The following ARMH3 variants were observed in gnomAD, a reference collection of about 807,000 sequenced individuals.
The protein encoded by ARMH3 is armadillo like helical domain containing 3.
Under a neutral mutation model 99.1 loss-of-function variants are expected in ARMH3, and 60 were observed. The ratio of observed to expected loss-of-function variants is 0.61; its 90% CI spans 0.49 to 0.75. ARMH3 has a LOEUF of 0.75. Among genes scored for constraint, ARMH3 ranks in the 30% least tolerant of loss-of-function variants. The pLI, the probability that ARMH3 is intolerant of heterozygous loss-of-function variation, is 0.00. For synonymous variants in ARMH3, 285 were observed against 292.8 expected, an observed-to-expected ratio of 0.97 and a Z score of 0.27; for missense variants, 679 against 843.1, an observed-to-expected ratio of 0.81 and a Z score of 2.41.
intron 23 of ARMH3, among the ~76,000 whole-genome samples, chr10:101,911,853 T>A (rs1842880181): frequency 6.6e-6 from 1 of 151,978 alleles, no homozygotes; most frequent in African/African-American, 2.4e-5. Context: ...CTGGCCAACA[T>A]GGTGAAACCC....
intron 23 of ARMH3, among the ~76,000 whole-genome samples, chr10:101,919,954 G>A (rs188439903): frequency 6.6e-6 from 1 of 152,104 alleles, no homozygotes; most frequent in African/African-American, 2.4e-5. Flanking sequence ...TCTCTGAATT[G>A]CCCTTGTTGG....
At chr10:102,021,758 G>C (rs1165499360) in intron 8 of ARMH3, among the ~76,000 whole-genome samples, 1 of 152,044 alleles carries the variant, frequency 6.6e-6, no homozygotes, top group African/African-American at 2.4e-5. Flanking sequence ...GTGTTAGCCA[G>C]GATGGTCTCG....
chr10:102,040,856 A>T lies in ARMH3; in HGVS notation c.-11-731T>A, dbSNP rs116951563. 5.5e-3 allele frequency among the ~76,000 whole-genome samples: 837 copies of T among 152,184 alleles called. 13 individuals carry two copies. The highest frequency in any genetic ancestry group is 0.013 in the South Asian group (61 of 4,818). ...ACCATTAAGGCAGGAAGTGTGCTGC[A>T]GACTGATGTGCTTCATTGATTTCCC... On this transcript the variant is annotated intron_variant, in intron 1 of 25. Coordinates refer to ENST00000370033, the MANE Select transcript of ARMH3 (RefSeq NM_024541.3).
chr10:102,054,778 C>A (rs2136313715), intron 1 of ARMH3, among the ~76,000 whole-genome samples: 1 of 152,096 alleles, frequency 6.6e-6, no homozygotes, highest in Admixed American at 6.6e-5. Flanking sequence ...GGTGAATCAT[C>A]TGAGGTCAGA....
At chr10:101,857,734 T>TGC (rs1564693845) in intron 24 of ARMH3, among the ~76,000 whole-genome samples, 1 of 152,242 alleles carries the variant, frequency 6.6e-6, no homozygotes, top group Non-Finnish European at 1.5e-5. Context: ...GGGCATTGCC[T>TGC]AATTCTCTTC....
rs547522937 is a variant in ARMH3, at chr10:102,036,314, G to A, written c.103-2975C>T. Reference sequence around the variant, plus strand: ...CAGGAGGTGGGGGGCGCCTCTGCCCGGCCGCCCCTTCTGGGAAGTGAGGAG... The same window carrying A: ...CAGGAGGTGGGGGGCGCCTCTGCCCAGCCGCCCCTTCTGGGAAGTGAGGAG... On this transcript the variant is annotated intron_variant, in intron 2 of 25. Coordinates refer to ENST00000370033, the MANE Select transcript of ARMH3 (RefSeq NM_024541.3). Among the ~76,000 whole-genome samples the A allele has an allele frequency of 2.6e-4, 39 of 150,872 alleles. 1 individual carries two copies. The East Asian group carries it at 4.0e-3, about 15-fold the overall frequency.
chr10:101,961,743 C>G (rs932098925), intron 20 of ARMH3, among the ~76,000 whole-genome samples: 2 of 152,136 alleles, frequency 1.3e-5, no homozygotes, highest in Non-Finnish European at 2.9e-5. Flanking sequence ...TTGATGTCAT[C>G]TGGGCACATG....
intron 2 of ARMH3, 36 bp downstream of exon 2, chr10:102,039,977 G>C (rs1026845164): frequency 1.9e-6 from 3 of 1,557,054 alleles, no homozygotes; most frequent in Admixed American, 1.7e-5. Flanking sequence ...AGAAACTAAA[G>C]ACTCAAGCTG....
intron 24 of ARMH3, among the ~76,000 whole-genome samples, chr10:101,851,244 T>C (rs1204506200): frequency 6.6e-6 from 1 of 152,140 alleles, no homozygotes; most frequent in Non-Finnish European, 1.5e-5. Context: ...GAAGGGACTG[T>C]TCATAGCCAG....
intron 23 of ARMH3, among the ~76,000 whole-genome samples, chr10:101,930,689 T>C (rs1007309931): frequency 2.6e-5 from 4 of 152,208 alleles, no homozygotes; most frequent in Non-Finnish European, 5.9e-5. Context: ...TTGCCCCTGA[T>C]GTCAGCTTGT....
chr10:101,984,075 G>T (rs1169268788), intron 19 of ARMH3, among the ~76,000 whole-genome samples: 2 of 152,108 alleles, frequency 1.3e-5, no homozygotes, highest in Admixed American at 1.3e-4. Flanking sequence ...AGAACTGATT[G>T]CTTGCTTGGT....
intron 24 of ARMH3, among the ~76,000 whole-genome samples, chr10:101,853,384 C>T (rs1771670675): frequency 6.6e-6 from 1 of 152,312 alleles, no homozygotes; most frequent in East Asian, 1.9e-4. Context: ...AGGTACTTGC[C>T]TGGCCTGGGA....
At chr10:101,893,383 A>C (rs1324155101) in intron 23 of ARMH3, among the ~76,000 whole-genome samples, 1 of 151,852 alleles carries the variant, frequency 6.6e-6, no homozygotes, top group East Asian at 1.9e-4. Flanking sequence ...TACATTTCTT[A>C]GGAAATTTTT....
At chr10:101,981,444 T>C (rs1280633084) in intron 19 of ARMH3, among the ~76,000 whole-genome samples, 1 of 151,452 alleles carries the variant, frequency 6.6e-6, no homozygotes, top group Non-Finnish European at 1.5e-5. Flanking sequence ...GCCAACATAG[T>C]GATAGCCCGT....
rs369680993 is a variant in ARMH3 at position 102,029,617 on chromosome 10, C to T, written c.414+21G>A. ...TGTCAGAAGCTGCCATCCACAGGCA[C>T]ATCTGCAGCTTATGCCTCACCTTCA... On this transcript the variant is annotated intron_variant, in intron 5 of 25. Transcript: ENST00000370033. 2.6e-5 allele frequency: 42 copies of T among 1,614,128 alleles called. No individual in the cohort carries two copies. The African/African-American group carries it at 5.1e-4, about 19-fold the overall frequency.
chr10:101,881,208 A>T (rs2067407847), intron 24 of ARMH3, among the ~76,000 whole-genome samples: 1 of 152,206 alleles, frequency 6.6e-6, no homozygotes, highest in South Asian at 2.1e-4. Flanking sequence ...ACTTAAACTT[A>T]GGAATCTGGT....
chr10:101,854,541 G>A (rs2066686336), intron 24 of ARMH3, among the ~76,000 whole-genome samples: 1 of 152,102 alleles, frequency 6.6e-6, no homozygotes, highest in Non-Finnish European at 1.5e-5. Flanking sequence ...TCAGTTTCAA[G>A]TATCTCATGC....
intron 5 of ARMH3, among the ~76,000 whole-genome samples, chr10:102,027,695 T>C (rs2067031075): frequency 6.6e-6 from 1 of 152,034 alleles, no homozygotes; most frequent in Non-Finnish European, 1.5e-5. Flanking sequence ...GTTAGAATTA[T>C]GAGAATGAGG....
chr10:101,900,123 A>G (rs1407196190), intron 23 of ARMH3, among the ~76,000 whole-genome samples: 2 of 152,218 alleles, frequency 1.3e-5, no homozygotes, highest in Admixed American at 6.5e-5. Context: ...TAAAACACCT[A>G]TAAGATTATC....
Sources: gnomAD v4.1 joint callset for allele counts (sites outside exome capture counted in the v4.1 genomes callset) on GRCh38, gnomAD v4.1.1 for gene constraint, MANE v1.5 for transcripts, NCBI Gene and HGNC (gene_info 2026-07-23, HGNC 2026-07-21) for gene names.